SLC22A4: variants seen among roughly 807,000 people sequenced by gnomAD.
The protein encoded by SLC22A4 is solute carrier family 22 member 4, also known as ET transporter.
In SLC22A4, 39 loss-of-function variants were observed where a neutral mutation model predicts 56.6. The ratio of observed to expected loss-of-function variants is 0.69; its 90% CI spans 0.53 to 0.90. The LOEUF is 0.90. Ranked by LOEUF, SLC22A4 falls within the 40% of genes least tolerant of loss-of-function variation. SLC22A4 has a pLI of 0.00. For missense variants in SLC22A4, 594 were observed against 696.5 expected (o/e 0.85, Z 1.66); for synonymous variants, 241 against 281.4 (o/e 0.86, Z 1.44).
intron 1 of SLC22A4, among the ~76,000 whole-genome samples, chr5:132,298,770 G>A (rs1166438324): frequency 6.6e-6 from 1 of 152,184 alleles, no homozygotes; most frequent in Non-Finnish European, 1.5e-5. Flanking sequence ...GGCTTCCTAG[G>A]TGGTGGTGAG....
intron 2 of SLC22A4, among the ~76,000 whole-genome samples, 200 bp downstream of exon 2, chr5:132,312,464 T>C (rs1750210091): frequency 2.0e-5 from 3 of 152,158 alleles, no homozygotes; most frequent in African/African-American, 7.2e-5. Context: ...TTTTGTTCCA[T>C]TCTCCCAGCC....
intron 6 of SLC22A4, among the ~76,000 whole-genome samples, chr5:132,334,104 T>C (rs1319079837): frequency 6.6e-6 from 1 of 152,206 alleles, no homozygotes; most frequent in African/African-American, 2.4e-5. Flanking sequence ...CCACCACGCA[T>C]GGCCCACAGA....
In SLC22A4 at chr5:132,334,718, G is replaced by C; in HGVS notation, c.1047G>C (p.Trp349Cys). 1 of 1,609,254 alleles carries C rather than the reference G, an allele frequency of 6.2e-7. No individual in the cohort carries two copies. Among genetic ancestry groups the C allele is most frequent in the Non-Finnish European group, 8.5e-7 (1 of 1,175,560 alleles). Residue 349 changes from tryptophan (W) to cysteine (C), a missense_variant and splice_region_variant, in exon 7 of 10, where the codon TGG (tryptophan) becomes TGC (cysteine). Transcript: ENST00000200652. The part of the protein sequence containing the change: ...AIMTIMSLLL[W>C]MLTSVGYFAL... ...TGTCATTTTTACCTTCTTCTTTCAG[G>C]ATGCTGACCTCAGTGGGTTACTTTG...
chr5:132,315,751 T>C (rs1463703678), intron 3 of SLC22A4, among the ~76,000 whole-genome samples: 1 of 152,234 alleles, frequency 6.6e-6, no homozygotes, highest in Non-Finnish European at 1.5e-5. Context: ...GGGCTTGCTA[T>C]CAGCCTGGGG....
chr5:132,343,976 G>C lies in SLC22A4; in HGVS notation c.*141G>C, dbSNP rs1379862617. Reference sequence around the variant, plus strand: ...GCTATCAAGAAATGCTCGTCATACAGTAAACTCTGGATGATTCTTCCAGAT... The same window carrying C: ...GCTATCAAGAAATGCTCGTCATACACTAAACTCTGGATGATTCTTCCAGAT... On this transcript the variant is annotated 3_prime_UTR_variant, in exon 10 of 10. Transcript: ENST00000200652. 2 of 622,006 alleles carry C rather than the reference G, an allele frequency of 3.2e-6. No homozygotes were observed. The highest frequency in any genetic ancestry group is 5.8e-6 in the Non-Finnish European group (2 of 345,828). 38.5% of individuals were successfully genotyped at this position (622,006 alleles called of 1,614,324 possible).
chr5:132,337,770 C>CT (rs1353142451), intron 8 of SLC22A4, among the ~76,000 whole-genome samples: 155 of 150,214 alleles, frequency 1.0e-3, no homozygotes, highest in African/African-American at 3.5e-3. Flanking sequence ...GAGTCTCACT[C>CT]TGTCACCCAG....
chr5:132,332,626 G>T (rs1750897497), intron 6 of SLC22A4, among the ~76,000 whole-genome samples: 1 of 152,018 alleles, frequency 6.6e-6, no homozygotes, highest in African/African-American at 2.4e-5. Context: ...AAACTAACAA[G>T]TGGCTTTCAG....
At chr5:132,318,233 T>G in intron 3 of SLC22A4, among the ~76,000 whole-genome samples, 1 of 152,252 alleles carries the variant, frequency 6.6e-6, no homozygotes, top group African/African-American at 2.4e-5. Flanking sequence ...TTTCCATCAC[T>G]CCCCTGACAT....
At position 132,299,318 on chromosome 5, in the gene SLC22A4, GT is replaced by G. The variant is rs373907657; in HGVS notation, c.393+4312del. 2.2e-3 allele frequency among the ~76,000 whole-genome samples: 336 copies of G among 152,330 alleles called. 3 individuals are homozygous for G. Among genetic ancestry groups the G allele is most frequent in the African/African-American group, 7.7e-3 (320 of 41,574 alleles). Reference sequence around the variant, plus strand: ...TGTGTGTGTACATGTGTATAAGGTAGTTTCCTTCTTCAGGGGTTGATTGTGA... The same window carrying G: ...TGTGTGTGTACATGTGTATAAGGTAGTTCCTTCTTCAGGGGTTGATTGTGA... On this transcript the variant is annotated intron_variant, in intron 1 of 9. Transcript: ENST00000200652.
chr5:132,304,748 T>A (rs1407091224), intron 1 of SLC22A4, among the ~76,000 whole-genome samples: 3 of 151,716 alleles, frequency 2.0e-5, no homozygotes, highest in Non-Finnish European at 4.4e-5. Flanking sequence ...AACAGAAAAA[T>A]ATGACCTATA....
At chr5:132,318,245 T>C (rs776217365) in intron 3 of SLC22A4, among the ~76,000 whole-genome samples, 13 of 152,206 alleles carry the variant, frequency 8.5e-5, no homozygotes, top group Non-Finnish European at 1.5e-4. Context: ...CCCTGACATG[T>C]AGCACATTTC....
intron 3 of SLC22A4, among the ~76,000 whole-genome samples, chr5:132,317,033 A>G (rs1312489521): frequency 6.6e-6 from 1 of 152,164 alleles, no homozygotes; most frequent in East Asian, 1.9e-4. Flanking sequence ...AAGTCCTCAC[A>G]TGGTCTTTCC....
chr5:132,319,890 C>T (rs538563048), intron 3 of SLC22A4, among the ~76,000 whole-genome samples: 24 of 152,272 alleles, frequency 1.6e-4, no homozygotes, highest in Admixed American at 3.3e-4. Context: ...CGTGCCTGGC[C>T]TGGAATATTA....
intron 8 of SLC22A4, among the ~76,000 whole-genome samples, chr5:132,338,732 C>T (rs1751106390): frequency 6.6e-6 from 1 of 152,234 alleles, no homozygotes; most frequent in Admixed American, 6.5e-5. Flanking sequence ...GCCCGACTCA[C>T]CAGCGGTCAG....
chr5:132,304,065 A>T (rs1319637510), intron 1 of SLC22A4, among the ~76,000 whole-genome samples: 1 of 152,262 alleles, frequency 6.6e-6, no homozygotes, highest in Non-Finnish European at 1.5e-5. Flanking sequence ...CCCATAATGC[A>T]GCTAGTTTAC....
chr5:132,330,688 T>C (rs1256683386), intron 5 of SLC22A4, among the ~76,000 whole-genome samples: 1 of 152,146 alleles, frequency 6.6e-6, no homozygotes, highest in African/African-American at 2.4e-5. Flanking sequence ...ATCGCGCCAC[T>C]GTACTCCAGC....
At chr5:132,314,507 G>C (rs1398758837) in intron 3 of SLC22A4, among the ~76,000 whole-genome samples, 1 of 152,212 alleles carries the variant, frequency 6.6e-6, no homozygotes, top group African/African-American at 2.4e-5. Flanking sequence ...GAGAGAAGCA[G>C]AGGTGAGGGG....
Position 132,302,938 on chromosome 5 carries a change from GA to G in SLC22A4, c.393+7931del, listed in dbSNP as rs1749938685. On this transcript the variant is annotated intron_variant, in intron 1 of 9. Coordinates refer to ENST00000200652, the MANE Select transcript of SLC22A4 (RefSeq NM_003059.3). ...TAATATAAAGAAAGAAAGATACTGA[GA>G]ACATTTTAAGGCTTAGCAGCCTTCT... Among the ~76,000 whole-genome samples the G allele has an allele frequency of 1.3e-5, 2 of 152,316 alleles. 1 individual carries two copies. The highest frequency in any genetic ancestry group is 4.1e-4 in the South Asian group (2 of 4,822).
chr5:132,324,241 A>AAGAGAGAG (rs61709003), intron 4 of SLC22A4, among the ~76,000 whole-genome samples: 9 of 150,700 alleles, frequency 6.0e-5, no homozygotes, highest in South Asian at 4.2e-4. Context: ...ATCAGAGAGA[A>AAGAGAGAG]AGAGAGAGAG....
Sources: allele counts gnomAD v4.1 joint callset (sites outside exome capture counted in the v4.1 genomes callset), GRCh38; gene constraint gnomAD v4.1.1; transcripts MANE v1.5; gene names NCBI Gene and HGNC (gene_info 2026-07-23, HGNC 2026-07-21).